CHRM5: variants seen among roughly 807,000 people sequenced by gnomAD.
CHRM5 encodes muscarinic acetylcholine receptor M5.
A neutral mutation model predicts 39.0 loss-of-function variants in CHRM5; 18 were observed. The observed-to-expected ratio is 0.46, with a 90% confidence interval of 0.32 to 0.68. The LOEUF (loss-of-function observed/expected upper bound fraction) is 0.68. Ranked by LOEUF, CHRM5 falls within the 30% of genes least tolerant of loss-of-function variation. CHRM5 has a pLI of 0.04. For missense variants in CHRM5, 515 were observed against 651.1 expected (o/e 0.79, Z 2.28); for synonymous variants, 241 against 246.3 (o/e 0.98, Z 0.20).
intron 2 of CHRM5, 72 bp from the exon 3 acceptor site, chr15:34,062,571 A>AAAAAG: frequency 3.0e-6 from 2 of 668,420 alleles, no homozygotes; most frequent in Non-Finnish European, 2.4e-6. Context: ...AAAAAAAAAA[A>AAAAAG]AAACTATAAA....
At chr15:34,036,104 GT>G (rs34150464) in intron 1 of CHRM5, among the ~76,000 whole-genome samples, 18 of 149,018 alleles carry the variant, frequency 1.2e-4, no homozygotes, top group Admixed American at 6.7e-4. Context: ...CCAGTTTTGT[GT>G]TTTTTTTTTA....
chr15:34,029,604 TAAAAAG>T (rs1243057583), intron 1 of CHRM5, among the ~76,000 whole-genome samples: 1 of 151,144 alleles, frequency 6.6e-6, no homozygotes, highest in African/African-American at 2.4e-5. Context: ...CTACTGACTT[TAAAAAG>T]AAAAGAAGCA....
At chr15:33,983,200 GTATATATA>G (rs769965010) in intron 1 of CHRM5, among the ~76,000 whole-genome samples, 929 of 63,954 alleles carry the variant, frequency 0.015, 18 homozygotes, top group African/African-American at 0.054. Flanking sequence ...GTATGTGTGT[GTATATATA>G]TATATACATA....
At chr15:33,987,379 A>G (rs1896523031) in intron 1 of CHRM5, among the ~76,000 whole-genome samples, 1 of 152,228 alleles carries the variant, frequency 6.6e-6, no homozygotes, top group Non-Finnish European at 1.5e-5. Context: ...GGAAAGGGAA[A>G]GGCCAGGAAA....
At chr15:34,035,834 G>A (rs2702306) in intron 1 of CHRM5, among the ~76,000 whole-genome samples, 72,586 of 151,942 alleles carry the variant, frequency 0.48, 20,800 homozygotes, top group Non-Finnish European at 0.64. Context: ...TCACTCTATT[G>A]CCCAGGCTGG....
chr15:34,028,516 C>G (rs2243764), intron 1 of CHRM5, among the ~76,000 whole-genome samples: 151,168 of 152,344 alleles, frequency 0.99, 75,013 homozygotes, highest in Middle Eastern at 1. Context: ...GGTGAGCTAT[C>G]ATCATGCCAT....
At chr15:34,019,039 GTTTT>G (rs72523303) in intron 1 of CHRM5, among the ~76,000 whole-genome samples, 1 of 150,968 alleles carries the variant, frequency 6.6e-6, no homozygotes, top group Non-Finnish European at 1.5e-5. Flanking sequence ...TGATTGGTGC[GTTTT>G]TTTTACAGAG....
intron 1 of CHRM5, among the ~76,000 whole-genome samples, chr15:34,021,178 T>G (rs1898183768): frequency 6.6e-6 from 1 of 152,190 alleles, no homozygotes; most frequent in South Asian, 2.1e-4. Context: ...ATGAAAAAAT[T>G]GCATCTTTTT....
chr15:34,053,130 T>C (rs1899990831), intron 2 of CHRM5, among the ~76,000 whole-genome samples: 2 of 151,190 alleles, frequency 1.3e-5, no homozygotes, highest in African/African-American at 4.9e-5. Flanking sequence ...TGAAACCCCA[T>C]CTCTACTAAA....
At chr15:34,012,820 A>G (rs1055992324) in intron 1 of CHRM5, among the ~76,000 whole-genome samples, 1 of 152,246 alleles carries the variant, frequency 6.6e-6, no homozygotes, top group Non-Finnish European at 1.5e-5. Context: ...AAGCAAGAAC[A>G]TGCAGAAATC....
intron 1 of CHRM5, among the ~76,000 whole-genome samples, chr15:33,995,343 T>C (rs912872408): frequency 6.6e-6 from 1 of 152,182 alleles, no homozygotes; most frequent in African/African-American, 2.4e-5. Flanking sequence ...TAATACAGTA[T>C]AACTTTACAT....
In CHRM5 at chr15:34,063,007, C is replaced by T. The variant is rs1420151622; in HGVS notation, c.290C>T (p.Ala97Val). 6.2e-6 allele frequency: 10 copies of T among 1,614,104 alleles called. No homozygotes were observed. The highest frequency in any genetic ancestry group is 8.5e-6 in the Non-Finnish European group (10 of 1,180,050). ...YTTYILMGRW[A>V]LGSLACDLWL... ...ACCTACATCCTCATGGGACGCTGGG[C>T]TCTCGGGAGTCTGGCTTGTGACCTT... is the stretch of plus-strand genomic sequence containing the variant. The change falls in exon 3 of 3, where the codon GCT (alanine) becomes GTT (valine). Residue 97 changes from alanine (A) to valine (V), a missense_variant. By Grantham distance (64) the Ala-to-Val change is moderately conservative (BLOSUM62 0). Transcript: ENST00000383263. This position sits in a 1 kb window ranked among gnomAD's most constrained non-coding sequence, Gnocchi z 4.1.
At chr15:34,045,003 G>A (rs891558214) in intron 1 of CHRM5, among the ~76,000 whole-genome samples, 13 of 152,282 alleles carry the variant, frequency 8.5e-5, no homozygotes, top group East Asian at 1.9e-4. Flanking sequence ...AGCCGAGATC[G>A]TGCCACTGCA....
At chr15:33,970,803 C>G (rs1567440507) in intron 1 of CHRM5, among the ~76,000 whole-genome samples, 1 of 151,836 alleles carries the variant, frequency 6.6e-6, no homozygotes, top group Non-Finnish European at 1.5e-5. Flanking sequence ...GTAATGTAAA[C>G]AGAGACTCAT....
intron 1 of CHRM5, among the ~76,000 whole-genome samples, chr15:33,980,580 A>T (rs1459240536): frequency 2.0e-5 from 3 of 151,802 alleles, no homozygotes; most frequent in Non-Finnish European, 4.4e-5. Flanking sequence ...AAAGGCATCA[A>T]TGAGTATATT....
At chr15:34,056,021 G>A (rs1436876948) in intron 2 of CHRM5, among the ~76,000 whole-genome samples, 8 of 152,038 alleles carry the variant, frequency 5.3e-5, no homozygotes, top group African/African-American at 1.7e-4. Context: ...CCCAGCCTAA[G>A]CAGGTATTGT....
intron 1 of CHRM5, among the ~76,000 whole-genome samples, chr15:34,045,780 C>G (rs1899661273): frequency 6.6e-6 from 1 of 152,020 alleles, no homozygotes; most frequent in Admixed American, 6.5e-5. Flanking sequence ...GTCCACTCGA[C>G]AAGAAAAGGA....
intron 1 of CHRM5, among the ~76,000 whole-genome samples, chr15:34,017,473 A>ATTTTTTTTTTT (rs200988059): frequency 9.9e-6 from 1 of 101,452 alleles, no homozygotes. Flanking sequence ...TTTCAGTATG[A>ATTTTTTTTTTT]TTTTTTTTTT....
chr15:34,031,168 A>ATTTT (rs34414446), intron 1 of CHRM5, among the ~76,000 whole-genome samples: 11,647 of 67,466 alleles, frequency 0.17, 1,593 homozygotes, highest in East Asian at 0.34. Context: ...GCTTAGGTTA[A>ATTTT]TTTTTTTTTT....
Sources: gnomAD v4.1 joint callset for allele counts (sites outside exome capture counted in the v4.1 genomes callset) on GRCh38, gnomAD v4.1.1 for gene constraint, Gnocchi (gnomAD v3.1) non-coding constraint, MANE v1.5 for transcripts, NCBI Gene and HGNC (gene_info 2026-07-23, HGNC 2026-07-21) for gene names.